The following CCDC88A variants were observed in gnomAD, a reference collection of about 807,000 sequenced individuals.
CCDC88A encodes the protein coiled-coil and HOOK domain protein 88A.
In CCDC88A, 54 loss-of-function variants were observed where a neutral mutation model predicts 234.3. That is an observed-to-expected ratio of 0.23 (90% CI 0.19 to 0.29). The LOEUF (loss-of-function observed/expected upper bound fraction) is 0.29, where lower values mean the gene tolerates loss of function less well. CCDC88A is among the 10% of genes least tolerant of loss of function. CCDC88A has a pLI of 1.00. For missense variants in CCDC88A, 1,832 were observed against 2,123.4 expected (o/e 0.86, Z 2.70); for synonymous variants, 753 against 737.8 (o/e 1.02, Z -0.33).
intron 12 of CCDC88A, among the ~76,000 whole-genome samples, chr2:55,342,393 G>C (rs1362896252): frequency 6.6e-6 from 1 of 152,028 alleles, no homozygotes; most frequent in African/African-American, 2.4e-5. Flanking sequence ...TTTAATACTT[G>C]AATGCTTACT....
chr2:55,406,702 T>C (rs143687746), intron 2 of CCDC88A, among the ~76,000 whole-genome samples: 55 of 152,120 alleles, frequency 3.6e-4, no homozygotes, highest in African/African-American at 1.3e-3. Context: ...GAGGCTGCAG[T>C]GAGCTGTGAC....
In CCDC88A at chr2:55,346,244, C is replaced by G. The variant is rs757710663; in HGVS notation, c.972G>C (p.Lys324Asn). The change falls in exon 10 of 33, where the codon AAG (lysine) becomes AAC (asparagine). Residue 324 changes from lysine to asparagine, a missense_variant. This residue lies in a region of CCDC88A where 1,282 missense variants were observed against 1,543.6 expected (regional missense o/e 0.83). Coordinates refer to ENST00000436346, the MANE Select transcript of CCDC88A (RefSeq NM_001365480.1). ...TATATCTGCTGACTTCACTTTCAAG[C>G]TTATCGACTCTGACTGCTTTCTCTC... ...ALREKAVRVDKLESEVSRYKE... is the reference protein window; with the variant it reads ...ALREKAVRVDNLESEVSRYKE... The G allele has an allele frequency of 4.3e-6, 7 of 1,610,994 alleles. No individual in the cohort carries two copies. The highest frequency in any genetic ancestry group is 2.2e-5 in the South Asian group (2 of 90,932).
At chr2:55,369,097 C>T (rs980748984) in intron 5 of CCDC88A, among the ~76,000 whole-genome samples, 2 of 151,964 alleles carry the variant, frequency 1.3e-5, no homozygotes, top group Admixed American at 6.6e-5. Flanking sequence ...TGCAGTGGCA[C>T]AATCTTGGCT....
At chr2:55,352,376 G>A (rs1167130779) in intron 8 of CCDC88A, among the ~76,000 whole-genome samples, 3 of 151,116 alleles carry the variant, frequency 2.0e-5, no homozygotes, top group Admixed American at 6.6e-5. Flanking sequence ...GCAGTGAGCC[G>A]AGATCACGCC....
intron 29 of CCDC88A, among the ~76,000 whole-genome samples, chr2:55,299,157 TCACAC>T (rs1680580986): frequency 6.6e-6 from 1 of 151,924 alleles, no homozygotes; most frequent in Non-Finnish European, 1.5e-5. Flanking sequence ...TGAGCTGAGA[TCACAC>T]CACTGCACTC....
intron 13 of CCDC88A, 87 bp from the exon 14 acceptor site, chr2:55,336,905 G>T: frequency 9.3e-6 from 7 of 750,198 alleles, no homozygotes; most frequent in Non-Finnish European, 1.2e-5. Flanking sequence ...GCTGAATAAA[G>T]GATAAAATAG....
intron 17 of CCDC88A, among the ~76,000 whole-genome samples, chr2:55,325,495 T>A (rs535795600): frequency 3.7e-4 from 56 of 152,312 alleles, no homozygotes; most frequent in African/African-American, 1.3e-3. Context: ...TTTTACTTCT[T>A]CCTTTCAAAT....
rs909693664 is a variant in CCDC88A, at chr2:55,321,412, G to A, written c.3162+1116C>T. Among the ~76,000 whole-genome samples, 11 of 151,936 alleles carry A rather than the reference G, an allele frequency of 7.2e-5. No homozygotes were observed. The East Asian group carries it at 7.8e-4, about 11-fold the overall frequency. ...TAAAAATACAAAAAATTAGCCAGGC[G>A]TGGTGGCAGGCGCCTGTAGTCCCAG... On this transcript the variant is annotated intron_variant, in intron 18 of 32. Coordinates refer to ENST00000436346, the MANE Select transcript of CCDC88A (RefSeq NM_001365480.1).
intron 2 of CCDC88A, among the ~76,000 whole-genome samples, chr2:55,409,858 A>G (rs1680191902): frequency 6.7e-6 from 1 of 148,672 alleles, no homozygotes; most frequent in Non-Finnish European, 1.5e-5. Flanking sequence ...CTCCTGCCTC[A>G]GCCTCCCGAG....
At chr2:55,329,455 C>CA (rs1395119835) in intron 16 of CCDC88A, 12 of 152,148 alleles carry the variant, frequency 7.9e-5, no homozygotes, top group Non-Finnish European at 1.5e-4. Context: ...GAACAAATCT[C>CA]ATTCACTTTG....
chr2:55,365,838 A>G (rs181278720), intron 5 of CCDC88A, among the ~76,000 whole-genome samples: 10 of 152,372 alleles, frequency 6.6e-5, no homozygotes, highest in African/African-American at 1.2e-4. Context: ...GAATAATCAG[A>G]TCAAATTTCT....
chr2:55,330,789 C>T (rs1476487985), intron 16 of CCDC88A, among the ~76,000 whole-genome samples: 1 of 152,094 alleles, frequency 6.6e-6, no homozygotes, highest in Non-Finnish European at 1.5e-5. Context: ...TAATCACTTC[C>T]TATCCTGTCT....
intron 7 of CCDC88A, among the ~76,000 whole-genome samples, chr2:55,359,899 T>A (rs1055726889): frequency 2.0e-5 from 3 of 152,022 alleles, no homozygotes; most frequent in Non-Finnish European, 4.4e-5. Flanking sequence ...TAGAACTCAT[T>A]ATTAAGGAAA....
chr2:55,327,531 T>C (rs1215889864), intron 17 of CCDC88A, among the ~76,000 whole-genome samples: 2 of 152,210 alleles, frequency 1.3e-5, no homozygotes, highest in Non-Finnish European at 2.9e-5. Flanking sequence ...GTGAAGAGGA[T>C]GGACTGACAC....
chr2:55,393,300 T>TTTTG (rs1676984927), intron 2 of CCDC88A, among the ~76,000 whole-genome samples: 1 of 131,352 alleles, frequency 7.6e-6, no homozygotes, highest in African/African-American at 2.9e-5. Flanking sequence ...TTTTTTTTTT[T>TTTTG]TTTTTTTTTT....
intron 3 of CCDC88A, among the ~76,000 whole-genome samples, chr2:55,380,498 T>C (rs1010851045): frequency 1.3e-5 from 2 of 152,164 alleles, no homozygotes; most frequent in African/African-American, 2.4e-5. Flanking sequence ...ATTATGGTAA[T>C]AGGAAAATAA....
In CCDC88A at chr2:55,318,941, T is replaced by G. The variant is rs1046629100; in HGVS notation, c.3226A>C (p.Asn1076His). Residue 1076 changes from asparagine (N) to histidine (H), a missense_variant, in exon 19 of 33, where the codon AAC becomes CAC. By Grantham distance (68) the Asn-to-His change is moderately conservative. This residue lies in a region of CCDC88A where 1,282 missense variants were observed against 1,543.6 expected (regional missense o/e 0.83). Coordinates refer to ENST00000436346, the MANE Select transcript of CCDC88A (RefSeq NM_001365480.1). ...KTQLKQLETQ[N>H]NNLQAQILAL... is the part of the protein sequence containing the mutation. The stretch of plus-strand genomic sequence containing the variant: ...AGAATCTGAGCCTGCAAATTATTGT[T>G]CTGTGTCTCAAGTTGCTTCAGTTGA... 2 of 1,613,508 alleles carry G rather than the reference T, an allele frequency of 1.2e-6. No individual in the cohort carries two copies. The highest frequency in any genetic ancestry group is 2.7e-5 in the African/African-American group (2 of 74,914).
chr2:55,400,938 A>G (rs1678510153), intron 2 of CCDC88A, among the ~76,000 whole-genome samples: 1 of 152,238 alleles, frequency 6.6e-6, no homozygotes, highest in Non-Finnish European at 1.5e-5. Context: ...TACATCTGAA[A>G]TAACTAATTT....
chr2:55,385,992 G>A (rs1380796224), intron 3 of CCDC88A, among the ~76,000 whole-genome samples: 1 of 151,760 alleles, frequency 6.6e-6, no homozygotes, highest in Non-Finnish European at 1.5e-5. Flanking sequence ...GGGAGGCCGA[G>A]GCAGGCGGAT....
Sources: allele counts gnomAD v4.1 joint callset (sites outside exome capture counted in the v4.1 genomes callset), GRCh38; gene constraint gnomAD v4.1.1; regional missense constraint gnomAD v4.1.1; transcripts MANE v1.5; gene names NCBI Gene and HGNC (gene_info 2026-07-23, HGNC 2026-07-21).